The following PAX2 variants were observed in gnomAD, a reference collection of about 807,000 sequenced individuals.
PAX2 encodes the protein paired box 2.
Under a neutral mutation model 41.7 loss-of-function variants are expected in PAX2, and 9 were observed. The ratio of observed to expected loss-of-function variants is 0.22; its 90% CI spans 0.13 to 0.38. The LOEUF (loss-of-function observed/expected upper bound fraction) is 0.38, where lower values mean the gene tolerates loss of function less well. PAX2 is among the 10% of genes least tolerant of loss of function. The pLI is 1.00. For missense variants in PAX2, 418 were observed against 531.6 expected, an observed-to-expected ratio of 0.79 and a Z score of 2.10; for synonymous variants, 221 against 212.7, an observed-to-expected ratio of 1.04 and a Z score of -0.34.
rs182645188 is a variant in PAX2, at chr10:100,780,028, G to A, written c.496+445G>A. On this transcript the variant is annotated intron_variant, in intron 4 of 9. Transcript: ENST00000355243. The stretch of plus-strand genomic sequence containing the variant: ...AACATTCCATCTTGTTCTTAACATT[G>A]TCCTCTGTCTTCTCCCCTTGGCTCC... Among the ~76,000 whole-genome samples, 229 of 151,214 alleles carry A rather than the reference G, an allele frequency of 1.5e-3. 1 individual carries two copies. Among genetic ancestry groups the A allele is most frequent in the African/African-American group, 5.1e-3 (211 of 41,170 alleles).
intron 4 of PAX2, 69 bp downstream of exon 4, chr10:100,779,652 C>A: frequency 8.0e-7 from 1 of 1,246,190 alleles, no homozygotes; most frequent in Non-Finnish European, 1.2e-6. Context: ...GCAGCTCCAC[C>A]CCTGGGAACT....
At chr10:100,802,578 C>T (rs1667284471) in intron 5 of PAX2, among the ~76,000 whole-genome samples, 1 of 152,192 alleles carries the variant, frequency 6.6e-6, no homozygotes, top group Admixed American at 6.5e-5. Context: ...GGGTGCCAGG[C>T]CAGTCAGATG....
chr10:100,810,984 C>T (rs908378909), intron 7 of PAX2, among the ~76,000 whole-genome samples: 7 of 152,210 alleles, frequency 4.6e-5, no homozygotes, highest in African/African-American at 1.7e-4. Context: ...GGCAAGTTAG[C>T]ACTAACATCT....
chr10:100,744,135 C>A (rs539913381), upstream of PAX2, among the ~76,000 whole-genome samples: 459 of 152,336 alleles, frequency 3.0e-3, 3 homozygotes, highest in African/African-American at 0.011. Flanking sequence ...CAGGCAGGTG[C>A]ATCTCTCCCC....
chr10:100,742,017 G>T (rs1844972796), upstream of PAX2, among the ~76,000 whole-genome samples: 1 of 152,172 alleles, frequency 6.6e-6, no homozygotes, highest in African/African-American at 2.4e-5. Flanking sequence ...TGCTCCCGCG[G>T]CCCCCTCCGT....
intron 5 of PAX2, among the ~76,000 whole-genome samples, chr10:100,793,492 G>A (rs1336354866): frequency 6.6e-6 from 1 of 152,214 alleles, no homozygotes; most frequent in Non-Finnish European, 1.5e-5. Flanking sequence ...ATCTAGGCTG[G>A]CTGTGACTTG....
chr10:100,796,074 C>T (rs915999579), intron 5 of PAX2, among the ~76,000 whole-genome samples: 3 of 152,118 alleles, frequency 2.0e-5, no homozygotes, highest in African/African-American at 7.2e-5. Context: ...GGTTATGGTC[C>T]CCGCTTCCAT....
intron 6 of PAX2, among the ~76,000 whole-genome samples, chr10:100,808,892 T>C (rs1847891973): frequency 6.6e-6 from 1 of 152,090 alleles, no homozygotes; most frequent in Non-Finnish European, 1.5e-5. Flanking sequence ...GTGCCCAAAA[T>C]GTGTAAAGGG....
intron 1 of PAX2, chr10:100,747,726 C>T (rs1343177128): frequency 1.0e-6 from 1 of 984,640 alleles, no homozygotes; most frequent in Non-Finnish European, 1.2e-6. Flanking sequence ...AATTTCCAAG[C>T]GCAGGAAAGC....
chr10:100,816,776 C>A (rs1848199667), intron 7 of PAX2, among the ~76,000 whole-genome samples: 1 of 152,202 alleles, frequency 6.6e-6, no homozygotes, highest in South Asian at 2.1e-4. Context: ...GCTTTGCATG[C>A]CTTCAGCCTG....
At chr10:100,818,226 T>C (rs1382102475) in intron 7 of PAX2, among the ~76,000 whole-genome samples, 1 of 152,212 alleles carries the variant, frequency 6.6e-6, no homozygotes, top group Non-Finnish European at 1.5e-5. Context: ...GAAAAGCATC[T>C]CTGAACTCCT....
chr10:100,786,032 T>A (rs1285976694), intron 5 of PAX2, among the ~76,000 whole-genome samples: 1 of 152,226 alleles, frequency 6.6e-6, no homozygotes, highest in Non-Finnish European at 1.5e-5. Flanking sequence ...TGGAGACGCA[T>A]CCTTGTGTAT....
At chr10:100,788,869 C>A (rs1846982940) in intron 5 of PAX2, among the ~76,000 whole-genome samples, 3 of 148,902 alleles carry the variant, frequency 2.0e-5, no homozygotes, top group Admixed American at 6.6e-5. Context: ...TGCACACACA[C>A]CCCCCCCGAC....
At chr10:100,764,136 A>ATTTTTTTT (rs145391942) in intron 3 of PAX2, among the ~76,000 whole-genome samples, 1 of 103,744 alleles carries the variant, frequency 9.6e-6, no homozygotes, top group Non-Finnish European at 1.8e-5. Flanking sequence ...CAAACATTGA[A>ATTTTTTTT]TTTTTTTTTT....
Position 100,745,916 on chromosome 10 carries a change from T to A in PAX2, c.-345T>A. 8.5e-7 allele frequency: 1 copy of A among 1,181,052 alleles called. No individual in the cohort carries two copies. The highest frequency in any genetic ancestry group is 1.0e-6 in the Non-Finnish European group (1 of 953,590). 73.2% of individuals were successfully genotyped at this position (1,181,052 alleles called of 1,614,324 possible). On this transcript the variant is annotated 5_prime_UTR_variant, in exon 1 of 10. Coordinates refer to ENST00000355243, the MANE Select transcript of PAX2 (RefSeq NM_000278.5). ...TTCCAGGGGAGCTGAGCGAGTCGCC[T>A]CCCCCGCCCAGCTTCAGCCCTGGCT...
intron 3 of PAX2, among the ~76,000 whole-genome samples, chr10:100,759,784 C>A (rs575200815): frequency 1.2e-4 from 18 of 152,244 alleles, no homozygotes; most frequent in African/African-American, 1.7e-4. Flanking sequence ...GGGGAGCAGG[C>A]AGAAAGGGAG....
At chr10:100,772,968 C>G (rs1846265350) in intron 3 of PAX2, among the ~76,000 whole-genome samples, 1 of 152,184 alleles carries the variant, frequency 6.6e-6, no homozygotes, top group African/African-American at 2.4e-5. Context: ...CTAGTGAGGA[C>G]AACTGAGGTT....
At chr10:100,804,416 C>G (rs1477049910) in intron 5 of PAX2, among the ~76,000 whole-genome samples, 1 of 152,194 alleles carries the variant, frequency 6.6e-6, no homozygotes, top group East Asian at 1.9e-4. Context: ...CAAATACACC[C>G]TCTCTGCCCC....
At chr10:100,737,699 C>A (rs1232530780) in intron 1 of PAX2, among the ~76,000 whole-genome samples, 1 of 152,266 alleles carries the variant, frequency 6.6e-6, no homozygotes, top group Non-Finnish European at 1.5e-5. Flanking sequence ...CCTCCCTCAT[C>A]TCTTCGGTAG....
Sources: allele counts gnomAD v4.1 joint callset (sites outside exome capture counted in the v4.1 genomes callset), GRCh38; gene constraint gnomAD v4.1.1; transcripts MANE v1.5; gene names NCBI Gene and HGNC (gene_info 2026-07-23, HGNC 2026-07-21).